Variants in ACOXL observed in about 807,000 individuals in gnomAD.
ACOXL encodes acyl-coenzyme A oxidase-like protein.
A neutral mutation model predicts 71.9 loss-of-function variants in ACOXL; 70 were observed. The ratio of observed to expected loss-of-function variants is 0.97; its 90% confidence interval spans 0.80 to 1.19. ACOXL has a LOEUF of 1.19. ACOXL is among the 50% of genes most tolerant of loss of function. The pLI is 0.00. For missense variants in ACOXL, 703 were observed against 736.3 expected (o/e 0.95, Z 0.52); for synonymous variants, 253 against 281.6 (o/e 0.90, Z 1.02).
At chr2:111,049,327 A>C in intron 16 of ACOXL, 39 bp downstream of exon 16, 10 of 1,524,378 alleles carry the variant, frequency 6.6e-6, no homozygotes, top group Non-Finnish European at 8.2e-6. Context: ...CTAAAGGCTC[A>C]GAGCGTTTTT....
chr2:110,896,395 A>G (rs2059008586), intron 10 of ACOXL, among the ~76,000 whole-genome samples: 1 of 152,204 alleles, frequency 6.6e-6, no homozygotes, highest in Non-Finnish European at 1.5e-5. Flanking sequence ...ATTACATTAA[A>G]TGTAAATGGT....
intron 17 of ACOXL, among the ~76,000 whole-genome samples, chr2:111,104,371 G>C (rs145483023): frequency 1.7e-3 from 260 of 152,278 alleles, no homozygotes; most frequent in African/African-American, 6.1e-3. Context: ...CCATTGCTGG[G>C]TCGCACGGTA....
chr2:110,872,208 T>C (rs1221455021), intron 10 of ACOXL, among the ~76,000 whole-genome samples: 1 of 152,180 alleles, frequency 6.6e-6, no homozygotes, highest in African/African-American at 2.4e-5. Flanking sequence ...ACATGGAAGC[T>C]GCCAGACACC....
Position 110,798,179 on chromosome 2 carries a change from A to C in ACOXL, c.346-431A>C, listed in dbSNP as rs1685495443. Among the ~76,000 whole-genome samples the C allele has an allele frequency of 1.3e-5, 2 of 151,024 alleles. 1 individual carries two copies. Among genetic ancestry groups the C allele is most frequent in the Non-Finnish European group, 2.9e-5 (2 of 67,820 alleles). On this transcript the variant is annotated intron_variant, in intron 5 of 17. Transcript: ENST00000439055. ...AGACGTGGAGCCAGGTGACCTTCCC[A>C]TTGTCTTCTCTTCTGCTGTGAAATC...
intron 12 of ACOXL, among the ~76,000 whole-genome samples, chr2:110,962,678 G>A (rs55837394): frequency 0.043 from 6,499 of 152,322 alleles, 290 homozygotes; most frequent in African/African-American, 0.11. Flanking sequence ...GGCATGAAAG[G>A]TACCTGGAGA....
At chr2:110,893,302 A>G (rs1204289886) in intron 10 of ACOXL, among the ~76,000 whole-genome samples, 4 of 152,156 alleles carry the variant, frequency 2.6e-5, no homozygotes, top group Admixed American at 2.6e-4. Flanking sequence ...TAAAAGGGCA[A>G]GCTATGGACG....
intron 1 of ACOXL, among the ~76,000 whole-genome samples, chr2:110,739,109 T>C (rs1243934004): frequency 6.6e-6 from 1 of 152,208 alleles, no homozygotes; most frequent in Non-Finnish European, 1.5e-5. Flanking sequence ...TTTTTGACCT[T>C]TTTTATGTTT....
chr2:110,891,442 A>G (rs12477660), intron 10 of ACOXL, among the ~76,000 whole-genome samples: 46,977 of 150,982 alleles, frequency 0.31, 7,681 homozygotes, highest in Middle Eastern at 0.38. Context: ...TATCTAGAGA[A>G]TTAGGTGAAA....
At chr2:110,982,619 G>C (rs1047725216) in intron 12 of ACOXL, among the ~76,000 whole-genome samples, 5 of 152,188 alleles carry the variant, frequency 3.3e-5, no homozygotes, top group Non-Finnish European at 7.3e-5. Context: ...ATACCCATGG[G>C]TGACCCCTGA....
chr2:111,112,419 A>C (rs1031142339), intron 17 of ACOXL, among the ~76,000 whole-genome samples: 2 of 152,222 alleles, frequency 1.3e-5, no homozygotes, highest in African/African-American at 4.8e-5. Flanking sequence ...CTATGAGATT[A>C]TGCCTCGTGT....
At chr2:110,755,605 C>T (rs570266216) in intron 1 of ACOXL, among the ~76,000 whole-genome samples, 2 of 152,156 alleles carry the variant, frequency 1.3e-5, no homozygotes, top group South Asian at 2.1e-4. Flanking sequence ...TTATGATAAA[C>T]CGGTGTTCAA....
chr2:110,779,523 A>T (rs936945540), intron 2 of ACOXL, among the ~76,000 whole-genome samples: 2 of 152,244 alleles, frequency 1.3e-5, no homozygotes, highest in Admixed American at 6.5e-5. Context: ...GAGTTAAAAC[A>T]ATTCTAAAAA....
chr2:111,075,372 T>A (rs2067549526), intron 16 of ACOXL, among the ~76,000 whole-genome samples: 2 of 152,160 alleles, frequency 1.3e-5, no homozygotes, highest in Admixed American at 1.3e-4. Context: ...AAATTATGTG[T>A]GTAAGGTTGT....
intron 9 of ACOXL, among the ~76,000 whole-genome samples, chr2:110,825,848 G>A (rs1449299091): frequency 6.6e-6 from 1 of 152,090 alleles, no homozygotes; most frequent in Admixed American, 6.5e-5. Flanking sequence ...CATTTATTTG[G>A]GAGTAGCATG....
At chr2:110,917,837 C>T (rs1452139844) in intron 11 of ACOXL, among the ~76,000 whole-genome samples, 2 of 152,106 alleles carry the variant, frequency 1.3e-5, no homozygotes, top group Admixed American at 6.5e-5. Flanking sequence ...CCTAGGAATC[C>T]AACTTACAAG....
At chr2:110,854,134 T>A (rs1312753623) in intron 10 of ACOXL, among the ~76,000 whole-genome samples, 1 of 152,096 alleles carries the variant, frequency 6.6e-6, no homozygotes, top group Non-Finnish European at 1.5e-5. Flanking sequence ...TGTGTGTGTG[T>A]GTCTGTTTGC....
chr2:110,793,336 C>A (rs922550676), intron 3 of ACOXL, among the ~76,000 whole-genome samples: 1 of 152,218 alleles, frequency 6.6e-6, no homozygotes, highest in Non-Finnish European at 1.5e-5. Flanking sequence ...GCATCAGGAC[C>A]TAAGCTAGAT....
chr2:110,879,066 A>G (rs969869199), intron 10 of ACOXL, among the ~76,000 whole-genome samples: 16 of 152,046 alleles, frequency 1.1e-4, no homozygotes, highest in African/African-American at 3.6e-4. Context: ...AAAAAAAAAA[A>G]AAAGTCAAAA....
At chr2:111,090,383 G>T (rs549326498) in intron 16 of ACOXL, among the ~76,000 whole-genome samples, 127 of 152,272 alleles carry the variant, frequency 8.3e-4, no homozygotes, top group African/African-American at 2.9e-3. Context: ...TTCAGGTACT[G>T]TTTGGGGGAC....
Sources: gnomAD v4.1 joint callset for allele counts (sites outside exome capture counted in the v4.1 genomes callset) on GRCh38, gnomAD v4.1.1 for gene constraint, MANE v1.5 for transcripts, NCBI Gene and HGNC (gene_info 2026-07-23, HGNC 2026-07-21) for gene names.